CHGB: variants seen among roughly 807,000 people sequenced by gnomAD.
CHGB encodes the protein chromogranin B.
In CHGB, 46 loss-of-function variants were observed where a neutral mutation model predicts 69.9. The observed-to-expected ratio is 0.66, with a 90% confidence interval of 0.52 to 0.84. The LOEUF (loss-of-function observed/expected upper bound fraction) is 0.84. Among genes scored for constraint, CHGB ranks in the 40% least tolerant of loss-of-function variants. CHGB has a pLI of 0.00. For synonymous variants in CHGB, 312 were observed against 298.2 expected, an observed-to-expected ratio of 1.05 and a Z score of -0.48; for missense variants, 796 against 822.2, an observed-to-expected ratio of 0.97 and a Z score of 0.39.
intron 1 of CHGB, among the ~76,000 whole-genome samples, chr20:5,915,041 G>A (rs78151860): frequency 6.6e-6 from 1 of 152,194 alleles, no homozygotes; most frequent in South Asian, 2.1e-4. Context: ...GCCCCAGCTA[G>A]CTCTACTCTC....
rs1347641930 is a variant in CHGB, at chr20:5,923,631, G to A, written c.1487G>A (p.Arg496Lys). 1 of 1,613,970 alleles carries A rather than the reference G, an allele frequency of 6.2e-7. No homozygotes were observed. The highest frequency in any genetic ancestry group is 1.3e-5 in the African/African-American group (1 of 74,890). ...QGDLQDTKEN[R>K]EEARFQDKQY... Reference sequence around the variant, plus strand: ...GACCTGCAGGACACTAAAGAAAACAGGGAGGAAGCTAGGTTTCAAGATAAA... The same window carrying A: ...GACCTGCAGGACACTAAAGAAAACAAGGAGGAAGCTAGGTTTCAAGATAAA... The change falls in exon 4 of 5, where the codon AGG becomes AAG. Residue 496 changes from arginine (R) to lysine (K), a missense_variant. This residue lies in a region of CHGB where 274 missense variants were observed against 298.9 expected (regional missense o/e 0.92). Transcript: ENST00000378961.
At chr20:5,919,843 C>T (rs755496348) in intron 3 of CHGB, among the ~76,000 whole-genome samples, 23 of 152,196 alleles carry the variant, frequency 1.5e-4, no homozygotes, top group Non-Finnish European at 2.8e-4. Flanking sequence ...CACTCCCACT[C>T]CTACTTGCAT....
chr20:5,923,401 C>T lies in CHGB; in HGVS notation c.1257C>T (p.His419=). 6.2e-7 allele frequency: 1 copy of T among 1,613,992 alleles called. No homozygotes were observed. ...TTGAGCCGGGAAAGGGACGCCATCACAGAGGCAGGGGAGGGGAGCCACGTG... is the reference window on the plus strand; with the variant it reads ...TTGAGCCGGGAAAGGGACGCCATCATAGAGGCAGGGGAGGGGAGCCACGTG... The part of the protein sequence containing the change: ...RGLEPGKGRH[H]RGRGGEPRAY... The change falls in exon 4 of 5, where the codon CAC becomes CAT. Residue 419 remains histidine, a synonymous_variant. Coordinates refer to ENST00000378961, the MANE Select transcript of CHGB (RefSeq NM_001819.3).
At position 5,922,451 on chromosome 20, in the gene CHGB, G is replaced by C. The variant is rs1253930487; in HGVS notation, c.307G>C (p.Glu103Gln). 21 of 1,613,548 alleles carry C rather than the reference G, an allele frequency of 1.3e-5. No homozygotes were observed. Among genetic ancestry groups the C allele is most frequent in the Non-Finnish European group, 1.6e-5 (19 of 1,179,578 alleles). Residue 103 changes from glutamate (E) to glutamine (Q), a missense_variant, in exon 4 of 5, where the codon GAG becomes CAG. By Grantham distance (29) the Glu-to-Gln change is conservative (BLOSUM62 2). Coordinates refer to ENST00000378961, the MANE Select transcript of CHGB (RefSeq NM_001819.3). ...SEAHESSSRGEAGAPGEEDIQ... is the reference protein window; with the variant it reads ...SEAHESSSRGQAGAPGEEDIQ... ...AGCCCACGAGTCCTCCAGCAGGGGA[G>C]AGGCAGGAGCCCCAGGGGAGGAGGA...
chr20:5,914,519 A>AC (rs1289671508), intron 1 of CHGB: 1 of 152,230 alleles, frequency 6.6e-6, no homozygotes, highest in East Asian at 1.9e-4. Context: ...GTAAAAAAAA[A>AC]GGGAAAGTAT....
intron 3 of CHGB, chr20:5,917,393 G>T (rs956315850): frequency 2.0e-4 from 32 of 158,578 alleles, no homozygotes; most frequent in Non-Finnish European, 8.4e-5. Flanking sequence ...GAATCAGGAA[G>T]CTGAGAAGCA....
chr20:5,922,514 G>A lies in CHGB; in HGVS notation c.370G>A (p.Ala124Thr), dbSNP rs768860358. The change falls in exon 4 of 5, where the codon GCA becomes ACA. Residue 124 changes from alanine (A) to threonine (T), a missense_variant. Physicochemically the swap from Ala to Thr is moderately conservative, Grantham distance 58. Transcript: ENST00000378961. ...AACAAAGGCAGACACAGAGAAATGG[G>A]CAGAGGGAGGCGGGCACAGCCGAGA... ...GPTKADTEKW[A>T]EGGGHSRERA... The A allele has an allele frequency of 6.2e-7, 1 of 1,612,970 alleles. No individual in the cohort carries two copies. The highest frequency in any genetic ancestry group is 2.2e-5 in the East Asian group (1 of 44,838).
At chr20:5,913,647 T>TTTTTTTTTTC (rs2088459414) in intron 1 of CHGB, among the ~76,000 whole-genome samples, 1 of 140,396 alleles carries the variant, frequency 7.1e-6, no homozygotes, top group Non-Finnish European at 1.5e-5. Flanking sequence ...TTTTTTTTTT[T>TTTTTTTTTTC]GAGACAGAGT....
chr20:5,917,012 C>A (rs1382774497), intron 3 of CHGB, 93 bp downstream of exon 3: 3 of 1,163,328 alleles, frequency 2.6e-6, no homozygotes, highest in Admixed American at 1.8e-5. Context: ...CTACAAATGA[C>A]CTGGGGGCAT....
chr20:5,923,740 G>C lies in CHGB; in HGVS notation c.1596G>C (p.Lys532Asn). 6.2e-7 allele frequency: 1 copy of C among 1,614,176 alleles called. No individual in the cohort carries two copies. Among genetic ancestry groups the C allele is most frequent in the Non-Finnish European group, 8.5e-7 (1 of 1,180,026 alleles). Residue 532 changes from lysine (K) to asparagine (N), a missense_variant, in exon 4 of 5, where the codon AAG becomes AAC. Coordinates refer to ENST00000378961, the MANE Select transcript of CHGB (RefSeq NM_001819.3). ...FNPYYDPLQWKSSHFERRDNM... is the reference protein window; with the variant it reads ...FNPYYDPLQWNSSHFERRDNM... Reference sequence around the variant, plus strand: ...CATACTACGACCCTCTCCAGTGGAAGAGCAGCCATTTTGAAAGAAGAGACA... The same window carrying C: ...CATACTACGACCCTCTCCAGTGGAACAGCAGCCATTTTGAAAGAAGAGACA...
intron 1 of CHGB, 155 bp from the exon 2 acceptor site, chr20:5,916,171 T>A (rs778985295): frequency 1.6e-6 from 1 of 635,784 alleles, no homozygotes; most frequent in Non-Finnish European, 2.8e-6. Flanking sequence ...CTAGATTTGA[T>A]TTATACCGGA....
At position 5,922,541 on chromosome 20, in the gene CHGB, C is replaced by T. The variant is rs891947037; in HGVS notation, c.397C>T (p.Arg133Ter). The stretch of plus-strand genomic sequence containing the variant: ...AGAGGGAGGCGGGCACAGCCGAGAG[C>T]GAGCGGATGAGCCCCAGTGGAGCCT... ...WAEGGGHSRE[R>*]ADEPQWSLYP... The change falls in exon 4 of 5, where the codon CGA becomes TGA. Residue 133 changes from arginine to a stop codon, truncating the protein, a stop_gained. Coordinates refer to ENST00000378961, the MANE Select transcript of CHGB (RefSeq NM_001819.3). LOFTEE classifies it high-confidence loss of function. 1.7e-5 allele frequency: 28 copies of T among 1,612,588 alleles called. No individual in the cohort carries two copies. The highest frequency in any genetic ancestry group is 2.3e-5 in the Non-Finnish European group (27 of 1,179,258).
At chr20:5,912,195 T>C (rs922344818) in intron 1 of CHGB, among the ~76,000 whole-genome samples, 1 of 152,202 alleles carries the variant, frequency 6.6e-6, no homozygotes, top group Non-Finnish European at 1.5e-5. Flanking sequence ...ATATATAAGA[T>C]ATATCCCTTT....
At chr20:5,913,861 A>C (rs1251637580) in intron 1 of CHGB, among the ~76,000 whole-genome samples, 1 of 151,362 alleles carries the variant, frequency 6.6e-6, no homozygotes, top group African/African-American at 2.4e-5. Flanking sequence ...CGAACTCCTG[A>C]CCTCAGGTAA....
chr20:5,922,636 T>A lies in CHGB; in HGVS notation c.492T>A (p.Asp164Glu). 1 of 1,612,640 alleles carries A rather than the reference T, an allele frequency of 6.2e-7. No homozygotes were observed. Among genetic ancestry groups the A allele is most frequent in the Non-Finnish European group, 8.5e-7 (1 of 1,179,552 alleles). Reference protein sequence around the residue: ...TRHSEKSQREDEEEEEGENYQ... With the variant: ...TRHSEKSQREEEEEEEGENYQ... ...ATTCTGAGAAGAGCCAGAGAGAGGA[T>A]GAGGAGGAGGAGGAGGGAGAGAACT... Residue 164 changes from aspartate (D) to glutamate (E), a missense_variant, in exon 4 of 5, where the codon GAT becomes GAA. Coordinates refer to ENST00000378961, the MANE Select transcript of CHGB (RefSeq NM_001819.3).
At chr20:5,921,404 T>C (rs1429328158) in intron 3 of CHGB, among the ~76,000 whole-genome samples, 1 of 152,182 alleles carries the variant, frequency 6.6e-6, no homozygotes, top group Non-Finnish European at 1.5e-5. Flanking sequence ...CTCTGTGACA[T>C]AGGTTGAAAT....
In CHGB at chr20:5,923,762, GACA is replaced by G. The variant is rs1568552462; in HGVS notation, c.1622_1624del (p.Asn541del). 2 of 1,614,180 alleles carry G rather than the reference GACA, an allele frequency of 1.2e-6. No homozygotes were observed. Among genetic ancestry groups the G allele is most frequent in the Non-Finnish European group, 1.7e-6 (2 of 1,180,030 alleles). On this transcript the variant is annotated inframe_deletion, in exon 4 of 5. Coordinates refer to ENST00000378961, the MANE Select transcript of CHGB (RefSeq NM_001819.3). ...GAAGAGCAGCCATTTTGAAAGAAGA[GACA>G]ACATGAATGACAATTTTCTCGAGGG...
At chr20:5,924,164 G>C (rs779093305) in intron 4 of CHGB, 64 bp downstream of exon 4, 14 of 1,471,188 alleles carry the variant, frequency 9.5e-6, no homozygotes, top group Non-Finnish European at 1.3e-5. Context: ...TTATGTTCAA[G>C]ACTATCCGAT....
At chr20:5,914,180 T>C (rs1289298634) in intron 1 of CHGB, among the ~76,000 whole-genome samples, 2 of 152,226 alleles carry the variant, frequency 1.3e-5, no homozygotes, top group East Asian at 3.8e-4. Context: ...TGAATCTTAC[T>C]GTATGCAAAA....
Sources: allele counts gnomAD v4.1 joint callset (sites outside exome capture counted in the v4.1 genomes callset), GRCh38; gene constraint gnomAD v4.1.1; regional missense constraint gnomAD v4.1.1; transcripts MANE v1.5; gene names NCBI Gene and HGNC (gene_info 2026-07-23, HGNC 2026-07-21).